Variants in EMILIN2 observed in about 807,000 individuals in gnomAD.
The protein encoded by EMILIN2 is elastin microfibril interfacer 2, also known as EMILIN-2.
A neutral mutation model predicts 87.1 loss-of-function variants in EMILIN2; 71 were observed. That is an observed-to-expected ratio of 0.82 (90% CI 0.67 to 0.99). EMILIN2 has a LOEUF of 0.99. EMILIN2 is among the 50% of genes least tolerant of loss of function. The pLI, the probability that EMILIN2 is intolerant of heterozygous loss-of-function variation, is 0.00. For synonymous variants in EMILIN2, 581 were observed against 563.4 expected, an observed-to-expected ratio of 1.03 and a Z score of -0.44; for missense variants, 1,407 against 1,371.8, an observed-to-expected ratio of 1.03 and a Z score of -0.40.
At chr18:2,851,079 A>C (rs545830738) in intron 2 of EMILIN2, among the ~76,000 whole-genome samples, 1 of 149,316 alleles carries the variant, frequency 6.7e-6, no homozygotes, top group Non-Finnish European at 1.5e-5. Flanking sequence ...CATGGGAAAA[A>C]GGCTCTGATG....
rs12961573 is a variant in EMILIN2 at position 2,860,552 on chromosome 18, A to T, written c.257+12621A>T. Reference sequence around the variant, plus strand: ...GGTTTCCAGCTTCATCCATGTCCCTACAAAGGACATGAACTCATCCTTTTT... The same window carrying T: ...GGTTTCCAGCTTCATCCATGTCCCTTCAAAGGACATGAACTCATCCTTTTT... On this transcript the variant is annotated intron_variant, in intron 2 of 7. Coordinates refer to ENST00000254528, the MANE Select transcript of EMILIN2 (RefSeq NM_032048.3). Among the ~76,000 whole-genome samples the T allele has an allele frequency of 1.9e-3, 296 of 152,244 alleles. 1 individual carries two copies. Among genetic ancestry groups the T allele is most frequent in the Non-Finnish European group, 3.5e-3 (238 of 68,016 alleles).
At chr18:2,866,862 G>A (rs907009062) in intron 2 of EMILIN2, among the ~76,000 whole-genome samples, 4 of 152,188 alleles carry the variant, frequency 2.6e-5, no homozygotes, top group African/African-American at 9.7e-5. Context: ...TTACATTGAA[G>A]TATGTCTCTT....
At chr18:2,859,126 C>A (rs938819968) in intron 2 of EMILIN2, among the ~76,000 whole-genome samples, 1 of 152,110 alleles carries the variant, frequency 6.6e-6, no homozygotes, top group Admixed American at 6.5e-5. Context: ...ACTTTTAGTT[C>A]TTTAAGGAAC....
At chr18:2,899,654 A>G (rs367584308) in intron 4 of EMILIN2, among the ~76,000 whole-genome samples, 19 of 152,008 alleles carry the variant, frequency 1.2e-4, no homozygotes, top group South Asian at 4.2e-4. Context: ...ACAGGCGCCC[A>G]CCACCACGAC....
intron 4 of EMILIN2, among the ~76,000 whole-genome samples, chr18:2,902,327 A>G (rs1012460833): frequency 6.6e-6 from 1 of 152,188 alleles, no homozygotes; most frequent in Non-Finnish European, 1.5e-5. Context: ...TGGGGATGGC[A>G]GAGAATTAAG....
rs746209717 is a variant in EMILIN2 at position 2,891,678 on chromosome 18, T to G, written c.1551T>G (p.Ser517Arg). The change falls in exon 4 of 8, where the codon AGT (serine) becomes AGG (arginine). Residue 517 changes from serine to arginine, a missense_variant. Transcript: ENST00000254528. This position sits in a 1 kb window ranked among gnomAD's most constrained non-coding sequence, Gnocchi z 4.6. Reference sequence around the variant, plus strand: ...CCAATAACACTGGTGCAGAGCTCAGTCCCCCAGGGGCAGCAGCCCTGCCAG... The same window carrying G: ...CCAATAACACTGGTGCAGAGCTCAGGCCCCCAGGGGCAGCAGCCCTGCCAG... ...QMTNNTGAEL[S>R]PPGAAALPGV... is the part of the protein sequence containing the mutation. 6.2e-7 allele frequency: 1 copy of G among 1,613,606 alleles called. No homozygotes were observed. Among genetic ancestry groups the G allele is most frequent in the African/African-American group, 1.3e-5 (1 of 74,758 alleles).
chr18:2,902,039 C>A (rs1568482506), intron 4 of EMILIN2, among the ~76,000 whole-genome samples: 1 of 152,156 alleles, frequency 6.6e-6, no homozygotes, highest in Non-Finnish European at 1.5e-5. Context: ...CCTCTGCCTT[C>A]CACTAGTGTA....
At chr18:2,876,228 G>A (rs1167066115) in intron 2 of EMILIN2, among the ~76,000 whole-genome samples, 1 of 151,538 alleles carries the variant, frequency 6.6e-6, no homozygotes, top group East Asian at 2.0e-4. Flanking sequence ...TGATCCACCC[G>A]CCTCGGCCTC....
At position 2,888,486 on chromosome 18, in the gene EMILIN2, C is replaced by T. The variant is rs189981196; in HGVS notation, c.434-2075C>T. Among the ~76,000 whole-genome samples, 505 of 151,902 alleles carry T rather than the reference C, an allele frequency of 3.3e-3. 4 individuals carry two copies. Among genetic ancestry groups the T allele is most frequent in the African/African-American group, 0.012 (478 of 41,424 alleles). On this transcript the variant is annotated intron_variant, in intron 3 of 7. Coordinates refer to ENST00000254528, the MANE Select transcript of EMILIN2 (RefSeq NM_032048.3). ...ATCCCAGCACTTTGGGAGGCCGAGGCGGGTGGATCACAAGGTCAGGAGATG... is the reference window on the plus strand; with the variant it reads ...ATCCCAGCACTTTGGGAGGCCGAGGTGGGTGGATCACAAGGTCAGGAGATG...
chr18:2,849,623 A>T (rs1023087426), intron 2 of EMILIN2, among the ~76,000 whole-genome samples: 7 of 152,248 alleles, frequency 4.6e-5, no homozygotes, highest in Non-Finnish European at 8.8e-5. Context: ...CAACAGAATT[A>T]TTATAAAAAA....
At chr18:2,862,445 G>A (rs902288322) in intron 2 of EMILIN2, among the ~76,000 whole-genome samples, 1 of 152,184 alleles carries the variant, frequency 6.6e-6, no homozygotes, top group African/African-American at 2.4e-5. Context: ...TAGCATGAAG[G>A]TTGTTGAATT....
intron 7 of EMILIN2, among the ~76,000 whole-genome samples, chr18:2,910,101 A>AT (rs1318973536): frequency 7.1e-5 from 10 of 141,376 alleles, no homozygotes; most frequent in Non-Finnish European, 1.2e-4. Flanking sequence ...GTTGCTATTC[A>AT]TTTTTTACAG....
At chr18:2,855,359 C>T (rs139582157) in intron 2 of EMILIN2, among the ~76,000 whole-genome samples, 4 of 152,296 alleles carry the variant, frequency 2.6e-5, no homozygotes, top group East Asian at 1.9e-4. Flanking sequence ...TAGGCAGGGC[C>T]GAGACTGGGG....
At chr18:2,900,180 A>T (rs1403707551) in intron 4 of EMILIN2, among the ~76,000 whole-genome samples, 1 of 151,034 alleles carries the variant, frequency 6.6e-6, no homozygotes, top group Non-Finnish European at 1.5e-5. Context: ...TCATTCATTC[A>T]TTTATTTATT....
chr18:2,909,032 C>T, intron 6 of EMILIN2, 57 bp downstream of exon 6: 8 of 1,597,192 alleles, frequency 5.0e-6, no homozygotes, highest in Non-Finnish European at 6.9e-6. Context: ...GGCCTCTGCC[C>T]CTCCTCTGCA....
chr18:2,893,446 A>C (rs1323132568), intron 4 of EMILIN2, among the ~76,000 whole-genome samples: 1 of 152,264 alleles, frequency 6.6e-6, no homozygotes, highest in East Asian at 1.9e-4. Context: ...GCCTGCATCC[A>C]GGAAGCTCAG....
chr18:2,897,197 A>T (rs942725206), intron 4 of EMILIN2, among the ~76,000 whole-genome samples: 4 of 152,200 alleles, frequency 2.6e-5, no homozygotes, highest in African/African-American at 9.7e-5. Flanking sequence ...AAGTACCGTG[A>T]GAAACTATTG....
chr18:2,858,539 A>ATG (rs1314450029), intron 2 of EMILIN2, among the ~76,000 whole-genome samples: 1 of 35,220 alleles, frequency 2.8e-5, no homozygotes, highest in Non-Finnish European at 4.7e-5. Context: ...ATATATATAT[A>ATG]TATATATATA....
At position 2,890,756 on chromosome 18, in the gene EMILIN2, A is replaced by G. The variant is rs142243285; in HGVS notation, c.629A>G (p.Glu210Gly). The G allele has an allele frequency of 1.3e-5, 21 of 1,613,854 alleles. No individual in the cohort carries two copies. The highest frequency in any genetic ancestry group is 1.7e-5 in the Admixed American group (1 of 60,002). The part of the protein sequence containing the change: ...DLQSSLAGVS[E>G]NLKHATQDDA... ...CAGTCTTCCCTTGCTGGAGTGAGTG[A>G]AAATCTCAAACATGCCACTCAGGAT... Residue 210 changes from glutamate (E) to glycine (G), a missense_variant, in exon 4 of 8, where the codon GAA (glutamate) becomes GGA (glycine). Coordinates refer to ENST00000254528, the MANE Select transcript of EMILIN2 (RefSeq NM_032048.3). This position sits in a 1 kb window ranked among gnomAD's most constrained non-coding sequence, Gnocchi z 4.7.
Sources: gnomAD v4.1 joint callset for allele counts (sites outside exome capture counted in the v4.1 genomes callset) on GRCh38, gnomAD v4.1.1 for gene constraint, Gnocchi (gnomAD v3.1) non-coding constraint, MANE v1.5 for transcripts, NCBI Gene and HGNC (gene_info 2026-07-23, HGNC 2026-07-21) for gene names.